Variants in SPAG7 observed in about 807,000 individuals in gnomAD.
SPAG7 encodes the protein sperm associated antigen 7, also known as sperm-associated antigen 7.
In SPAG7, 20 loss-of-function variants were observed where a neutral mutation model predicts 30.6. That is an observed-to-expected ratio of 0.65 (90% CI 0.46 to 0.95). The LOEUF (loss-of-function observed/expected upper bound fraction) is 0.95. SPAG7 is among the 40% of genes least tolerant of loss of function. SPAG7 has a pLI of 0.00. For synonymous variants in SPAG7, 127 were observed against 104.2 expected, an observed-to-expected ratio of 1.22 and a Z score of -1.33; for missense variants, 276 against 291.1, an observed-to-expected ratio of 0.95 and a Z score of 0.38.
intron 6 of SPAG7, 47 bp from the exon 7 acceptor site, chr17:4,959,690 A>G (rs749877538): frequency 3.1e-6 from 5 of 1,613,364 alleles, no homozygotes; most frequent in Non-Finnish European, 3.4e-6. Context: ...TCCGTACCTC[A>G]GCCTCCACTG....
chr17:4,967,153 A>G (rs1567678088), intron 1 of SPAG7: 1 of 986,302 alleles, frequency 1.0e-6, no homozygotes, highest in East Asian at 1.1e-4. Flanking sequence ...CGGGAATTTA[A>G]GGCTACGGAT....
chr17:4,959,396 T>A lies in SPAG7; in HGVS notation c.*138A>T. ...CTCCAACGGTGACAAATCAAACACCTGTTTTCCCCCAGCCTGAGGGACAGC... is the reference window on the plus strand; with the variant it reads ...CTCCAACGGTGACAAATCAAACACCAGTTTTCCCCCAGCCTGAGGGACAGC... On this transcript the variant is annotated 3_prime_UTR_variant, in exon 7 of 7. Coordinates refer to ENST00000206020, the MANE Select transcript of SPAG7 (RefSeq NM_004890.3). The A allele has an allele frequency of 1.5e-6, 1 of 675,078 alleles. No homozygotes were observed. The highest frequency in any genetic ancestry group is 2.6e-6 in the Non-Finnish European group (1 of 386,230). 41.8% of individuals were successfully genotyped at this position (675,078 alleles called of 1,614,324 possible). A position where few individuals can be genotyped will look rare whatever the true frequency, so the allele number is the denominator to read the frequency against.
At chr17:4,967,584 TTTAGGGACTC>T in intron 1 of SPAG7, 126 bp downstream of exon 1, 2 of 709,928 alleles carry the variant, frequency 2.8e-6, no homozygotes, top group Non-Finnish European at 5.0e-6. Flanking sequence ...CAGCAGCCCT[TTTAGGGACTC>T]TGAGGGTCTC....
In SPAG7 at chr17:4,959,468, G is replaced by T. The variant is rs1971820414; in HGVS notation, c.*66C>A. The stretch of plus-strand genomic sequence containing the variant: ...TGGGGCTCCAGGATGGGCTCTAATA[G>T]CAGCAGCCTTGTCTCTCCCTGCCCC... On this transcript the variant is annotated 3_prime_UTR_variant, in exon 7 of 7. Transcript: ENST00000206020. The T allele has an allele frequency of 2.3e-6, 3 of 1,317,244 alleles. No individual in the cohort carries two copies. The highest frequency in any genetic ancestry group is 1.1e-6 in the Non-Finnish European group (1 of 923,968). The allele number at this position is 1,317,244 out of a possible 1,614,324, so 81.6% of individuals were successfully genotyped here.
rs372314651 is a variant in SPAG7, at chr17:4,960,570, A to C, written c.154-23T>G. ...CATCTTGGGAGAGGGGAAAGGAAGC[A>C]GATATGAGACAATGGCTCCACCCAA... On this transcript the variant is annotated intron_variant, in intron 2 of 6. Transcript: ENST00000206020. 2.5e-6 allele frequency: 4 copies of C among 1,585,902 alleles called. No individual in the cohort carries two copies. In the African/African-American group the frequency reaches 5.4e-5, roughly 21 times the overall value.
chr17:4,967,405 C>A (rs1971979629), intron 1 of SPAG7, among the ~76,000 whole-genome samples: 1 of 152,104 alleles, frequency 6.6e-6, no homozygotes, highest in African/African-American at 2.4e-5. Flanking sequence ...GGCAGGAATG[C>A]GGCAGGTTGG....
intron 1 of SPAG7, chr17:4,967,087 G>T: frequency 1.0e-6 from 1 of 985,610 alleles, no homozygotes; most frequent in Non-Finnish European, 1.2e-6. Context: ...GTGGCCAATC[G>T]GACCCGGCGG....
rs1230283721 is a variant in SPAG7 at position 4,960,710 on chromosome 17, G to A, written c.153+76C>T. ...CTCTCAAGACATTTTCAGCAAAACTGAGTCCTCAACCTTCCAATTTTAACT... is the reference window on the plus strand; with the variant it reads ...CTCTCAAGACATTTTCAGCAAAACTAAGTCCTCAACCTTCCAATTTTAACT... On this transcript the variant is annotated intron_variant, in intron 2 of 6. Transcript: ENST00000206020. The A allele has an allele frequency of 3.4e-6, 5 of 1,490,936 alleles. No homozygotes were observed. The East Asian group carries it at 9.0e-5, about 27-fold the overall frequency. The allele number at this position is 1,490,936 out of a possible 1,614,324, so 92.4% of individuals were successfully genotyped here. A position where few individuals can be genotyped will look rare whatever the true frequency, so the allele number is the denominator to read the frequency against.
rs546009098 is a variant in SPAG7 at position 4,961,237 on chromosome 17, T to C, written c.86-384A>G. On this transcript the variant is annotated intron_variant, in intron 1 of 6. Transcript: ENST00000206020. The stretch of plus-strand genomic sequence containing the variant: ...TTTGGGAGGCCGAGGCAGACAGATC[T>C]CCTGGGGTCAGGAGTTCGAGACCAG... Among the ~76,000 whole-genome samples, 5 of 148,252 alleles carry C rather than the reference T, an allele frequency of 3.4e-5. No individual in the cohort carries two copies. The East Asian group carries it at 1.0e-3, about 30-fold the overall frequency.
chr17:4,960,866 A>C lies in SPAG7; in HGVS notation c.86-13T>G. On this transcript the variant is annotated splice_polypyrimidine_tract_variant and intron_variant, in intron 1 of 6. Transcript: ENST00000206020. The stretch of plus-strand genomic sequence containing the variant: ...CGGGCGGCCTGTTCTGGGGGTGAGA[A>C]ATGGCAACATGAAGCCAGGGCTGGA... The C allele has an allele frequency of 6.2e-7, 1 of 1,613,530 alleles. No homozygotes were observed. Among genetic ancestry groups the C allele is most frequent in the South Asian group, 1.1e-5 (1 of 91,066 alleles).
In SPAG7 at chr17:4,960,670, T is replaced by G. The variant is rs938500272; in HGVS notation, c.153+116A>C. On this transcript the variant is annotated intron_variant, in intron 2 of 6. Transcript: ENST00000206020. Reference sequence around the variant, plus strand: ...CCTCCCCAGCCTCCAAGCCACTGGCTTCCATGCGTCACCTCTCTCAAGACA... The same window carrying G: ...CCTCCCCAGCCTCCAAGCCACTGGCGTCCATGCGTCACCTCTCTCAAGACA... 7.3e-6 allele frequency: 10 copies of G among 1,367,046 alleles called. 1 individual carries two copies. The Admixed American group carries it at 1.5e-4, about 21-fold the overall frequency. The allele number at this position is 1,367,046 out of a possible 1,614,324, so 84.7% of individuals were successfully genotyped here. A position where few individuals can be genotyped will look rare whatever the true frequency, so the allele number is the denominator to read the frequency against.
chr17:4,964,608 G>A (rs1597714152), intron 1 of SPAG7, among the ~76,000 whole-genome samples: 4 of 151,770 alleles, frequency 2.6e-5, no homozygotes, highest in East Asian at 1.9e-4. Flanking sequence ...TGATCCACCC[G>A]CCTCGGCCTC....
At chr17:4,966,444 C>T (rs761426612) in intron 1 of SPAG7, 11 of 414,322 alleles carry the variant, frequency 2.7e-5, no homozygotes, top group Non-Finnish European at 3.6e-5. Context: ...ATTTAAGCTT[C>T]CCAGTCTGTC....
At chr17:4,959,981 G>A (rs752638184) in intron 5 of SPAG7, 41 bp downstream of exon 5, 1 of 1,613,576 alleles carries the variant, frequency 6.2e-7, no homozygotes, top group Non-Finnish European at 8.5e-7. Flanking sequence ...CCTCCCAGGT[G>A]GTGGGCTTCT....
intron 2 of SPAG7, 33 bp downstream of exon 2, chr17:4,960,753 G>C: frequency 3.8e-6 from 6 of 1,595,478 alleles, no homozygotes; most frequent in Non-Finnish European, 4.3e-6. Context: ...AGTCCTTCCT[G>C]AGTCTGCCTT....
intron 1 of SPAG7, chr17:4,966,769 CT>C: frequency 3.0e-6 from 3 of 985,482 alleles, no homozygotes; most frequent in Non-Finnish European, 3.6e-6. Context: ...AGGGGTACCC[CT>C]GGTCCCTAAC....
chr17:4,965,864 T>G (rs550699283), intron 1 of SPAG7: 1 of 143,000 alleles, frequency 7.0e-6, no homozygotes, highest in Non-Finnish European at 1.6e-5. Flanking sequence ...ATTTATTTAT[T>G]TATTTATGAG....
chr17:4,966,743 G>T, intron 1 of SPAG7: 1 of 985,458 alleles, frequency 1.0e-6, no homozygotes, highest in Non-Finnish European at 1.2e-6. Flanking sequence ...CCCAGCCCCG[G>T]ACTGTGGCCT....
intron 1 of SPAG7, among the ~76,000 whole-genome samples, chr17:4,963,451 A>ATT (rs35484038): frequency 0.021 from 2,154 of 103,024 alleles, 31 homozygotes; most frequent in African/African-American, 0.037. Flanking sequence ...GGAAAGGGGA[A>ATT]TTTTTTTTTT....
Sources: allele counts gnomAD v4.1 joint callset (sites outside exome capture counted in the v4.1 genomes callset), GRCh38; gene constraint gnomAD v4.1.1; transcripts MANE v1.5; gene names NCBI Gene and HGNC (gene_info 2026-07-23, HGNC 2026-07-21).